Variants in SLC30A3 observed in about 807,000 individuals in gnomAD.
The protein encoded by SLC30A3 is probable proton-coupled zinc antiporter SLC30A3.
Under a neutral mutation model 35.6 loss-of-function variants are expected in SLC30A3, and 20 were observed. The observed-to-expected ratio is 0.56, with a 90% confidence interval of 0.39 to 0.82. SLC30A3 has a LOEUF of 0.82. SLC30A3 is among the 40% of genes least tolerant of loss of function. The pLI is 0.00. For missense variants in SLC30A3, 401 were observed against 530.6 expected, an observed-to-expected ratio of 0.76 and a Z score of 2.40; for synonymous variants, 217 against 224.7, an observed-to-expected ratio of 0.97 and a Z score of 0.31.
In SLC30A3 at chr2:27,257,046, G is replaced by T; in HGVS notation, c.777+108C>A. 4 of 1,229,396 alleles carry T rather than the reference G, an allele frequency of 3.3e-6. No individual in the cohort carries two copies. Among genetic ancestry groups the T allele is most frequent in the East Asian group, 2.3e-5 (1 of 43,066 alleles). 76.2% of individuals were successfully genotyped at this position (1,229,396 alleles called of 1,614,324 possible). On this transcript the variant is annotated intron_variant, in intron 5 of 7. Transcript: ENST00000233535. This position sits in a 1 kb window ranked among gnomAD's most constrained non-coding sequence, Gnocchi z 4.7. ...ATGTCTGGGAGAGTCCTGGGAGGTG[G>T]GAGGGAGGAGCTGGAGGGAGGAGGA... is the stretch of plus-strand genomic sequence containing the variant.
At chr2:27,272,423 C>G (rs1034707753) in intron 1 of SLC30A3, among the ~76,000 whole-genome samples, 1 of 152,022 alleles carries the variant, frequency 6.6e-6, no homozygotes, top group African/African-American at 2.4e-5. Flanking sequence ...ACTCTAGGTG[C>G]TGGGGATACA....
chr2:27,266,780 C>T (rs558966988), upstream of SLC30A3, among the ~76,000 whole-genome samples: 53 of 152,182 alleles, frequency 3.5e-4, no homozygotes, highest in Middle Eastern at 3.4e-3. Flanking sequence ...ACCTATAGTC[C>T]CACCTACTTG....
chr2:27,262,692 G>T lies in SLC30A3; in HGVS notation c.95+120C>A. On this transcript the variant is annotated intron_variant, in intron 1 of 7. Coordinates refer to ENST00000233535, the MANE Select transcript of SLC30A3 (RefSeq NM_003459.5). The surrounding 1 kb of genome is among the most constrained non-coding windows in gnomAD (Gnocchi z 7.5). The stretch of plus-strand genomic sequence containing the variant: ...AGGGGATGAAGCGGGGTGCAGCGGA[G>T]CGAGGGACCCGCGGTGCGCTGGGGC... The T allele has an allele frequency of 2.0e-6, 2 of 978,072 alleles. 1 individual carries two copies. Among genetic ancestry groups the T allele is most frequent in the East Asian group, 6.6e-5 (2 of 30,464 alleles). The allele number at this position is 978,072 out of a possible 1,614,324, so 60.6% of individuals were successfully genotyped here.
chr2:27,268,491 C>T (rs775011775), intron 1 of SLC30A3, among the ~76,000 whole-genome samples: 67 of 152,274 alleles, frequency 4.4e-4, no homozygotes, highest in Non-Finnish European at 8.7e-4. Flanking sequence ...CGGTGGCTCA[C>T]GCCTATAATC....
upstream of SLC30A3, chr2:27,263,424 C>G: frequency 2.3e-6 from 1 of 432,784 alleles, no homozygotes. Flanking sequence ...GGCCGCAACC[C>G]TCACGCGGAG....
At chr2:27,269,372 A>T (rs1677635193) in intron 1 of SLC30A3, among the ~76,000 whole-genome samples, 2 of 151,350 alleles carry the variant, frequency 1.3e-5, no homozygotes, top group African/African-American at 4.8e-5. Flanking sequence ...CACGCAGCTA[A>T]TTTTTTTTGT....
Position 27,258,549 on chromosome 2 carries a change from C to T in SLC30A3, c.277+204G>A, listed in dbSNP as rs752930429. ...GGTTTTTAAAAGAAGTCAGCCCTGA[C>T]CTACTGGCCCCGGACCTCGGCTGGA... On this transcript the variant is annotated intron_variant, in intron 2 of 7. Transcript: ENST00000233535. This position sits in a 1 kb window ranked among gnomAD's most constrained non-coding sequence, Gnocchi z 4.0. The T allele has an allele frequency of 8.2e-5, 55 of 667,038 alleles. No individual in the cohort carries two copies. Among genetic ancestry groups the T allele is most frequent in the Non-Finnish European group, 1.3e-4 (54 of 404,152 alleles). 41.3% of individuals were successfully genotyped at this position (667,038 alleles called of 1,614,324 possible). A position where few individuals can be genotyped will look rare whatever the true frequency, so the allele number is the denominator to read the frequency against.
chr2:27,263,387 G>A, upstream of SLC30A3: 1 of 455,614 alleles, frequency 2.2e-6, no homozygotes. Flanking sequence ...CTGCGCGGGG[G>A]TGTCGCCCAC....
rs115061824 is a variant in SLC30A3, at chr2:27,256,242, A to G, written c.1018+144T>C. The G allele has an allele frequency of 3.2e-3, 2,748 of 870,326 alleles. 47 individuals are homozygous for G. The African/African-American group carries it at 0.042, about 13-fold the overall frequency. The allele number at this position is 870,326 out of a possible 1,614,324, so 53.9% of individuals were successfully genotyped here. A position where few individuals can be genotyped will look rare whatever the true frequency, so the allele number is the denominator to read the frequency against. On this transcript the variant is annotated intron_variant, in intron 7 of 7. Transcript: ENST00000233535. ...CGCACGTGCATGTGTGTGTGTGTGT[A>G]TGTGTCTATGTGAGAGAGAGAGACA...
At chr2:27,269,371 A>G (rs1271776606) in intron 1 of SLC30A3, among the ~76,000 whole-genome samples, 1 of 151,622 alleles carries the variant, frequency 6.6e-6, no homozygotes, top group Non-Finnish European at 1.5e-5. Context: ...ACACGCAGCT[A>G]ATTTTTTTTG....
At position 27,257,742 on chromosome 2, in the gene SLC30A3, G is replaced by T; in HGVS notation, c.578+163C>A. 1 of 700,608 alleles carries T rather than the reference G, an allele frequency of 1.4e-6. No homozygotes were observed. Among genetic ancestry groups the T allele is most frequent in the Non-Finnish European group, 2.3e-6 (1 of 425,908 alleles). The allele number at this position is 700,608 out of a possible 1,614,324, so 43.4% of individuals were successfully genotyped here. On this transcript the variant is annotated intron_variant, in intron 4 of 7. Transcript: ENST00000233535. The surrounding 1 kb of genome is among the most constrained non-coding windows in gnomAD (Gnocchi z 4.7). ...CAGAGATCTGCTGACTGAATTTTAG[G>T]TCTCTATCCCAGACCCTTCTCAGGC...
rs1676703100 is a variant in SLC30A3, at chr2:27,253,721, A to C, written c.*1591T>G. The C allele has an allele frequency of 6.7e-6, 1 of 150,000 alleles. No individual in the cohort carries two copies. Among genetic ancestry groups the C allele is most frequent in the South Asian group, 2.1e-4 (1 of 4,790 alleles). 9.3% of individuals were successfully genotyped at this position (150,000 alleles called of 1,614,324 possible). On this transcript the variant is annotated 3_prime_UTR_variant, in exon 8 of 8. Coordinates refer to ENST00000233535, the MANE Select transcript of SLC30A3 (RefSeq NM_003459.5). ...TGCTCTGTTGCCCAGGCTGAAGTGCAGTGGCATGATCATGGCTGACTGCTG... is the reference window on the plus strand; with the variant it reads ...TGCTCTGTTGCCCAGGCTGAAGTGCCGTGGCATGATCATGGCTGACTGCTG...
In SLC30A3 at chr2:27,254,899, C is replaced by A. The variant is rs1363705830; in HGVS notation, c.*413G>T. 7 of 434,022 alleles carry A rather than the reference C, an allele frequency of 1.6e-5. No homozygotes were observed. Among genetic ancestry groups the A allele is most frequent in the Non-Finnish European group, 2.7e-5 (7 of 259,130 alleles). The allele number at this position is 434,022 out of a possible 1,614,324, so 26.9% of individuals were successfully genotyped here. ...ATGTGGGGAGGGGGCCCCTACTGAC[C>A]TCCCCCAGGCATAGGCACACCAACA... On this transcript the variant is annotated 3_prime_UTR_variant, in exon 8 of 8. Coordinates refer to ENST00000233535, the MANE Select transcript of SLC30A3 (RefSeq NM_003459.5).
chr2:27,274,669 G>GT (rs1677916419), intron 1 of SLC30A3, among the ~76,000 whole-genome samples: 1 of 145,780 alleles, frequency 6.9e-6, no homozygotes, highest in African/African-American at 2.6e-5. Context: ...GATCAAGAGC[G>GT]TAAAAAAAAA....
At chr2:27,264,012 C>A (rs1187786057), upstream of SLC30A3, 1 of 1,286,942 alleles carries the variant, frequency 7.8e-7, no homozygotes, top group Admixed American at 2.3e-5. This position sits in a 1 kb window ranked among gnomAD's most constrained non-coding sequence, Gnocchi z 6.1. Context: ...CGACTTACAG[C>A]AAAGTCGGTG....
At chr2:27,263,885 G>C, upstream of SLC30A3, 1 of 473,174 alleles carries the variant, frequency 2.1e-6, no homozygotes, top group Non-Finnish European at 4.0e-6. Flanking sequence ...GAGAGGGGCT[G>C]AGGGGCAGCG....
chr2:27,271,180 T>C lies in SLC30A3; in HGVS notation c.-159+3997A>G, dbSNP rs1186498536. Among the ~76,000 whole-genome samples the C allele has an allele frequency of 1.3e-5, 2 of 152,186 alleles. No individual in the cohort carries two copies. The highest frequency in any genetic ancestry group is 1.3e-4 in the Admixed American group (2 of 15,278). ...GAACCTGGTGGTTGAATGTGACAAA[T>C]TGTGATCTCTCTCTCTCCCACTGCA... On this transcript the variant is annotated intron_variant, in intron 1 of 5. Transcript: ENST00000424577. The surrounding 1 kb of genome is among the most constrained non-coding windows in gnomAD (Gnocchi z 4.3).
chr2:27,261,968 G>A (rs1258274955), intron 1 of SLC30A3: 1 of 152,480 alleles, frequency 6.6e-6, no homozygotes, highest in Non-Finnish European at 1.5e-5. Flanking sequence ...ATTGAGAGAG[G>A]TGGGGGAAGA....
At position 27,255,325 on chromosome 2, in the gene SLC30A3, G is replaced by C. The variant is rs779570928; in HGVS notation, c.1154C>G (p.Pro385Arg). The C allele has an allele frequency of 1.4e-5, 22 of 1,613,974 alleles. No homozygotes were observed. The highest frequency in any genetic ancestry group is 1.2e-4 in the African/African-American group (9 of 74,930). The change falls in exon 8 of 8, where the codon CCC becomes CGC. Residue 385 changes from proline (P) to arginine (R), a missense_variant. Pro to Arg is a moderately radical substitution (Grantham distance 103). Transcript: ENST00000233535. This position sits in a 1 kb window ranked among gnomAD's most constrained non-coding sequence, Gnocchi z 5.2. ...CAGGGCCATGGCTCAGGCTTGGGGG[G>C]GTTCCTGGCAGCGCAGGCACTGGGC... ...EMAQCLRCQEPPQA is the reference protein window; with the variant it reads ...EMAQCLRCQERPQA
Sources: gnomAD v4.1 joint callset for allele counts (sites outside exome capture counted in the v4.1 genomes callset) on GRCh38, gnomAD v4.1.1 for gene constraint, Gnocchi (gnomAD v3.1) non-coding constraint, MANE v1.5 for transcripts, NCBI Gene and HGNC (gene_info 2026-07-23, HGNC 2026-07-21) for gene names.